NTNG2: variants seen among roughly 807,000 people sequenced by gnomAD.
NTNG2 encodes the protein netrin G2, also known as netrin-G2.
A neutral mutation model predicts 47.6 loss-of-function variants in NTNG2; 15 were observed. The ratio of observed to expected loss-of-function variants is 0.32; its 90% CI spans 0.21 to 0.49. The LOEUF (loss-of-function observed/expected upper bound fraction) is 0.49, where lower values mean the gene tolerates loss of function less well. Among genes scored for constraint, NTNG2 ranks in the 20% least tolerant of loss-of-function variants. NTNG2 has a pLI of 0.99. For synonymous variants in NTNG2, 307 were observed against 324.6 expected, an observed-to-expected ratio of 0.95 and a Z score of 0.58; for missense variants, 578 against 764.6, an observed-to-expected ratio of 0.76 and a Z score of 2.88.
At chr9:132,191,408 A>G (rs1837877579) in intron 2 of NTNG2, among the ~76,000 whole-genome samples, 2 of 152,120 alleles carry the variant, frequency 1.3e-5, no homozygotes, top group South Asian at 2.1e-4. Flanking sequence ...GACACAGACC[A>G]TCTCACATGG....
intron 2 of NTNG2, among the ~76,000 whole-genome samples, chr9:132,174,949 AT>A (rs991333761): frequency 1.8e-4 from 27 of 151,614 alleles, no homozygotes; most frequent in Admixed American, 3.3e-4. Context: ...TTTTATTTTT[AT>A]CCTTTTTAAT....
intron 3 of NTNG2, among the ~76,000 whole-genome samples, chr9:132,212,141 G>A (rs1259102607): frequency 6.6e-6 from 1 of 152,072 alleles, no homozygotes; most frequent in Non-Finnish European, 1.5e-5. Flanking sequence ...TGTTTTCCTT[G>A]TGTGAGAAAT....
chr9:132,239,876 G>T (rs747420590), intron 6 of NTNG2, among the ~76,000 whole-genome samples: 1 of 152,242 alleles, frequency 6.6e-6, no homozygotes, highest in African/African-American at 2.4e-5. Context: ...ACCAGCCCAG[G>T]TCCAGCTATA....
chr9:132,210,662 C>A (rs1233503028), intron 3 of NTNG2, among the ~76,000 whole-genome samples: 2 of 152,178 alleles, frequency 1.3e-5, no homozygotes, highest in East Asian at 3.9e-4. Context: ...GCTTGCTGGG[C>A]CTCACCAGCT....
chr9:132,162,555 T>TGTGTGTGTGAGA lies in NTNG2; in HGVS notation c.-484+317_-484+318insTGTGTGTGAGAG, dbSNP rs112179857. On this transcript the variant is annotated intron_variant, in intron 1 of 7. Transcript: ENST00000393229. The surrounding 1 kb of genome is among the most constrained non-coding windows in gnomAD (Gnocchi z 4.6). ...GTGAGAGTGTGTGTGTGTGTGTGTG[T>TGTGTGTGTGAGA]GAGAGAGAGACAGAGTGTGTGTGTG... is the stretch of plus-strand genomic sequence containing the variant. 1.9e-3 allele frequency among the ~76,000 whole-genome samples: 262 copies of TGTGTGTGTGAGA among 139,470 alleles called. 3 individuals are homozygous for TGTGTGTGTGAGA. The highest frequency in any genetic ancestry group is 0.012 in the East Asian group (56 of 4,610). 91.5% of individuals were successfully genotyped at this position (139,470 alleles called of 152,430 possible). A position where few individuals can be genotyped will look rare whatever the true frequency, so the allele number is the denominator to read the frequency against.
intron 3 of NTNG2, among the ~76,000 whole-genome samples, chr9:132,220,866 T>C (rs1425720796): frequency 6.6e-6 from 1 of 152,238 alleles, no homozygotes; most frequent in East Asian, 1.9e-4. Context: ...TCCCATATTA[T>C]TTATTTATTT....
At chr9:132,201,549 C>G (rs573582159) in intron 3 of NTNG2, among the ~76,000 whole-genome samples, 1 of 152,270 alleles carries the variant, frequency 6.6e-6, no homozygotes, top group African/African-American at 2.4e-5. Context: ...ATGTGGGACC[C>G]GAAGTTCCTG....
rs142075133 is a variant in NTNG2 at position 132,226,458 on chromosome 9, C to CT, written c.858-390dup. Among the ~76,000 whole-genome samples, 889 of 152,326 alleles carry CT rather than the reference C, an allele frequency of 5.8e-3. 7 individuals carry two copies. Among genetic ancestry groups the CT allele is most frequent in the African/African-American group, 0.02 (832 of 41,566 alleles). ...GCCAAGTCTCTGTCTACACCAGGTG[C>CT]TGGCAGCAGCCTCTGTCACCCATCA... is the stretch of plus-strand genomic sequence containing the variant. On this transcript the variant is annotated intron_variant, in intron 3 of 7. Transcript: ENST00000393229. This position sits in a 1 kb window ranked among gnomAD's most constrained non-coding sequence, Gnocchi z 4.8.
In NTNG2 at chr9:132,211,561, C is replaced by G. The variant is rs561962796; in HGVS notation, c.857+12952C>G. On this transcript the variant is annotated intron_variant, in intron 3 of 7. Transcript: ENST00000393229. ...CTCCCAAGATCAGCCACCCCAAAGG[C>G]TGGGTCTCTCGGGCTGGCCTAGGGG... Among the ~76,000 whole-genome samples, 3 of 152,284 alleles carry G rather than the reference C, an allele frequency of 2.0e-5. No individual in the cohort carries two copies. In the East Asian group the frequency reaches 5.8e-4, roughly 29 times the overall value.
At position 132,180,716 on chromosome 9, in the gene NTNG2, G is replaced by C. The variant is rs757112435; in HGVS notation, c.213+13672G>C. ...AGAGAGAGAAAGAGAAAGAACGATA[G>C]AGAGATGCAATAACCTCCCAGCATC... is the stretch of plus-strand genomic sequence containing the variant. On this transcript the variant is annotated intron_variant, in intron 2 of 7. Transcript: ENST00000393229. The surrounding 1 kb of genome is among the most constrained non-coding windows in gnomAD (Gnocchi z 4.2). 2.0e-5 allele frequency among the ~76,000 whole-genome samples: 3 copies of C among 152,244 alleles called. No homozygotes were observed. The highest frequency in any genetic ancestry group is 2.9e-5 in the Non-Finnish European group (2 of 68,042).
chr9:132,168,571 G>A (rs989505273), intron 2 of NTNG2, among the ~76,000 whole-genome samples: 1 of 152,166 alleles, frequency 6.6e-6, no homozygotes, highest in Non-Finnish European at 1.5e-5. Flanking sequence ...GGGAGAGAGG[G>A]AAGGAGAAGG....
intron 3 of NTNG2, among the ~76,000 whole-genome samples, chr9:132,200,434 A>G (rs1838657923): frequency 6.6e-6 from 1 of 152,268 alleles, no homozygotes; most frequent in African/African-American, 2.4e-5. Flanking sequence ...CTGTTTTTGT[A>G]AAATATATAA....
chr9:132,165,536 A>G (rs534615394), intron 1 of NTNG2, among the ~76,000 whole-genome samples: 11 of 152,296 alleles, frequency 7.2e-5, no homozygotes, highest in Non-Finnish European at 1.3e-4. Flanking sequence ...GATTGTGCCT[A>G]TGATTGGGGG....
upstream of NTNG2, chr9:132,161,889 G>C (rs897856331): frequency 6.7e-6 from 1 of 149,416 alleles, no homozygotes; most frequent in Non-Finnish European, 1.5e-5. This position sits in a 1 kb window ranked among gnomAD's most constrained non-coding sequence, Gnocchi z 7.2. Context: ...CCGAGCGCGG[G>C]TCCTCCCCGG....
At position 132,198,487 on chromosome 9, in the gene NTNG2, G is replaced by C; in HGVS notation, c.735G>C (p.Glu245Asp). 14 of 1,610,258 alleles carry C rather than the reference G, an allele frequency of 8.7e-6. No homozygotes were observed. The highest frequency in any genetic ancestry group is 1.1e-5 in the Non-Finnish European group (13 of 1,177,858). ...TGGAGAGCGCCAAGGGCCTCAAGGA[G>C]TTCTTCACCCTCACCGACCTGCGCA... Reference protein sequence around the residue: ...TRLESAKGLKEFFTLTDLRMR... With the variant: ...TRLESAKGLKDFFTLTDLRMR... The change falls in exon 3 of 8, where the codon GAG becomes GAC. Residue 245 changes from glutamate to aspartate, a missense_variant. Coordinates refer to ENST00000393229, the MANE Select transcript of NTNG2 (RefSeq NM_032536.4).
At chr9:132,216,095 A>T (rs1339010199) in intron 3 of NTNG2, among the ~76,000 whole-genome samples, 2 of 152,050 alleles carry the variant, frequency 1.3e-5, no homozygotes, top group African/African-American at 4.8e-5. Flanking sequence ...GAGGGGTCAG[A>T]GGTTTGAACC....
intron 3 of NTNG2, among the ~76,000 whole-genome samples, chr9:132,201,081 G>A (rs1247502675): frequency 6.6e-6 from 1 of 152,242 alleles, no homozygotes; most frequent in Non-Finnish European, 1.5e-5. Context: ...CAAGGACCCT[G>A]CCTTACCTTT....
rs533385587 is a variant in NTNG2, at chr9:132,211,621, C to T, written c.857+13012C>T. On this transcript the variant is annotated intron_variant, in intron 3 of 7. Transcript: ENST00000393229. Reference sequence around the variant, plus strand: ...CTGCCTGGAACATGACCTAGCCCTCCCCAGCCTTCCTGTCTGGCAAACTCC... The same window carrying T: ...CTGCCTGGAACATGACCTAGCCCTCTCCAGCCTTCCTGTCTGGCAAACTCC... Among the ~76,000 whole-genome samples, 49 of 152,276 alleles carry T rather than the reference C, an allele frequency of 3.2e-4. 1 individual carries two copies. The highest frequency in any genetic ancestry group is 8.3e-4 in the South Asian group (4 of 4,826).
In NTNG2 at chr9:132,242,063, G is replaced by A; in HGVS notation, c.1545G>A (p.Leu515=). The stretch of plus-strand genomic sequence containing the variant: ...GGGCCGCCCCGCGCCCCGCCACCCT[G>A]CTCGGCTGCCTGCTGCTGCTGGGGC... ...APGAAPRPAT[L]LGCLLLLGLA... The change falls in exon 8 of 8, where the codon CTG becomes CTA. Residue 515 remains leucine (L), a synonymous_variant. Coordinates refer to ENST00000393229, the MANE Select transcript of NTNG2 (RefSeq NM_032536.4). The surrounding 1 kb of genome is among the most constrained non-coding windows in gnomAD (Gnocchi z 5.9). The A allele has an allele frequency of 8.2e-7, 1 of 1,226,974 alleles. No homozygotes were observed. The allele number at this position is 1,226,974 out of a possible 1,614,324, so 76.0% of individuals were successfully genotyped here.
Sources: allele counts gnomAD v4.1 joint callset (sites outside exome capture counted in the v4.1 genomes callset), GRCh38; gene constraint gnomAD v4.1.1; non-coding constraint Gnocchi (gnomAD v3.1); transcripts MANE v1.5; gene names NCBI Gene and HGNC (gene_info 2026-07-23, HGNC 2026-07-21).